The following CENPK variants were observed in gnomAD, a reference collection of about 807,000 sequenced individuals.
CENPK encodes the protein SoxLZ/Sox6-binding protein Solt.
A neutral mutation model predicts 40.9 loss-of-function variants in CENPK; 46 were observed. The observed-to-expected ratio is 1.13, with a 90% CI of 0.89 to 1.44. CENPK has a LOEUF of 1.44. Among genes scored for constraint, CENPK ranks in the 40% most tolerant of loss-of-function variants. The pLI is 0.00. For missense variants in CENPK, 288 were observed against 303.5 expected, an observed-to-expected ratio of 0.95 and a Z score of 0.38; for synonymous variants, 107 against 104.4, an observed-to-expected ratio of 1.02 and a Z score of -0.15.
the CENPK span, among the ~76,000 whole-genome samples, chr5:65,496,119 A>G: frequency 6.6e-6 from 1 of 152,158 alleles, no homozygotes; most frequent in Non-Finnish European, 1.5e-5. Context: ...TTAACCAGGC[A>G]TGGTGGGGCA....
At chr5:65,499,915 G>T in the CENPK span, among the ~76,000 whole-genome samples, 1 of 98,704 alleles carries the variant, frequency 1.0e-5, no homozygotes, top group Non-Finnish European at 2.2e-5. Context: ...GAGAATATGC[G>T]GTGTTTGGTT....
At chr5:65,497,494 G>A in the CENPK span, among the ~76,000 whole-genome samples, 3 of 152,190 alleles carry the variant, frequency 2.0e-5, no homozygotes, top group African/African-American at 7.2e-5. Context: ...AAAGGAGAAA[G>A]AGCAACAGAA....
At chr5:65,529,470 G>T in intron 6 of CENPK, 1 of 298,466 alleles carries the variant, frequency 3.4e-6, no homozygotes, top group Admixed American at 5.0e-5. Context: ...TCAGTAATAA[G>T]AGAGTAGGTA....
chr5:65,504,709 A>C, the CENPK span, among the ~76,000 whole-genome samples: 1 of 152,134 alleles, frequency 6.6e-6, no homozygotes, highest in African/African-American at 2.4e-5. Flanking sequence ...CTGAAGTACG[A>C]TATCCCTGTG....
At chr5:65,506,308 A>C in the CENPK span, among the ~76,000 whole-genome samples, 1 of 151,506 alleles carries the variant, frequency 6.6e-6, no homozygotes, top group African/African-American at 2.4e-5. Context: ...AGGAGTTCAA[A>C]GCCACTGAAC....
chr5:65,548,861 CAG>C (rs1340668556), intron 5 of CENPK, among the ~76,000 whole-genome samples: 6 of 152,132 alleles, frequency 3.9e-5, no homozygotes, highest in African/African-American at 1.2e-4. Flanking sequence ...TTGAACCCCT[CAG>C]AGTCATCCAT....
At chr5:65,519,646 T>C (rs1288839219) in intron 10 of CENPK, among the ~76,000 whole-genome samples, 1 of 152,206 alleles carries the variant, frequency 6.6e-6, no homozygotes, top group Non-Finnish European at 1.5e-5. Flanking sequence ...CAAAGTGCCA[T>C]AGAAATAAAT....
At chr5:65,562,649 T>TGAG (rs529426676) in intron 1 of CENPK, among the ~76,000 whole-genome samples, 100 of 152,178 alleles carry the variant, frequency 6.6e-4, no homozygotes, top group African/African-American at 2.4e-3. Flanking sequence ...AGAAGACAGA[T>TGAG]GAGGAGGAGG....
At chr5:65,497,947 T>C in the CENPK span, among the ~76,000 whole-genome samples, 2 of 152,094 alleles carry the variant, frequency 1.3e-5, no homozygotes, top group Admixed American at 6.6e-5. Flanking sequence ...AAAAACAATA[T>C]AGTGTGGAGT....
intron 6 of CENPK, among the ~76,000 whole-genome samples, chr5:65,538,142 T>C (rs1296781562): frequency 2.0e-5 from 3 of 152,214 alleles, no homozygotes; most frequent in African/African-American, 7.2e-5. Flanking sequence ...AAAAATGGCA[T>C]TGTTATTTTG....
intron 6 of CENPK, among the ~76,000 whole-genome samples, chr5:65,533,380 A>T (rs1391159819): frequency 5.3e-5 from 8 of 151,926 alleles, no homozygotes; most frequent in African/African-American, 1.9e-4. Flanking sequence ...TAAAATAACA[A>T]AATAAAATAA....
At chr5:65,530,091 C>A (rs2150380626) in intron 6 of CENPK, among the ~76,000 whole-genome samples, 1 of 152,268 alleles carries the variant, frequency 6.6e-6, no homozygotes, top group Non-Finnish European at 1.5e-5. Context: ...GTGTGAGCCA[C>A]CACGCCCGGC....
chr5:65,546,700 A>G lies in CENPK; in HGVS notation c.242-3852T>C, dbSNP rs1749047484. On this transcript the variant is annotated intron_variant, in intron 5 of 10. Transcript: ENST00000396679. ...AATCCAATAAGACTGGTGTCCTAATAAGAGTAGGCGATTAGGACACAGAAG... is the reference window on the plus strand; with the variant it reads ...AATCCAATAAGACTGGTGTCCTAATGAGAGTAGGCGATTAGGACACAGAAG... 2.0e-5 allele frequency among the ~76,000 whole-genome samples: 3 copies of G among 152,332 alleles called. No homozygotes were observed. In the South Asian group the frequency reaches 6.2e-4, roughly 32 times the overall value.
downstream of CENPK, among the ~76,000 whole-genome samples, chr5:65,517,098 C>T (rs2150324467): frequency 6.6e-6 from 1 of 152,154 alleles, no homozygotes; most frequent in African/African-American, 2.4e-5. Context: ...TGCACCACCA[C>T]ACCCAGCTAA....
chr5:65,551,642 A>C lies in CENPK; in HGVS notation c.169-6T>G, dbSNP rs1384559581. The stretch of plus-strand genomic sequence containing the variant: ...TGCATAATTAACAATGATAGCTACA[A>C]AAGAAGAAAACAAAGTCATTTTCTG... On this transcript the variant is annotated splice_polypyrimidine_tract_variant and splice_region_variant and intron_variant, in intron 4 of 10. Coordinates refer to ENST00000396679, the MANE Select transcript of CENPK (RefSeq NM_022145.5). The C allele has an allele frequency of 6.6e-7, 1 of 1,517,764 alleles. No individual in the cohort carries two copies. The highest frequency in any genetic ancestry group is 1.4e-5 in the African/African-American group (1 of 72,000). 94.0% of individuals were successfully genotyped at this position (1,517,764 alleles called of 1,614,324 possible).
chr5:65,515,237 T>TCTG (rs1239489990), downstream of CENPK, among the ~76,000 whole-genome samples: 2 of 128,722 alleles, frequency 1.6e-5, no homozygotes, highest in Admixed American at 9.4e-5. Flanking sequence ...GGAGTCTTGC[T>TCTG]CTGTCGCCCA....
chr5:65,514,146 A>G (rs1289444023), downstream of CENPK, among the ~76,000 whole-genome samples: 1 of 148,512 alleles, frequency 6.7e-6, no homozygotes, highest in African/African-American at 2.5e-5. Flanking sequence ...AGCTATGTTC[A>G]TGAGAGATAC....
chr5:65,525,812 A>G lies in CENPK; in HGVS notation c.597+2640T>C, dbSNP rs183206238. Among the ~76,000 whole-genome samples, 54 of 152,326 alleles carry G rather than the reference A, an allele frequency of 3.5e-4. 1 individual carries two copies. In the East Asian group the frequency reaches 9.6e-3, roughly 27 times the overall value. On this transcript the variant is annotated intron_variant, in intron 9 of 10. Transcript: ENST00000396679. ...TTTCCTTGTGTACACAAAGAGCCCA[A>G]TGTGAGAACACAGTGAGCAAGTGGT...
At chr5:65,501,279 A>G in the CENPK span, among the ~76,000 whole-genome samples, 4 of 139,590 alleles carry the variant, frequency 2.9e-5, no homozygotes, top group African/African-American at 1.1e-4. Flanking sequence ...CCCGTGTTCC[A>G]GTGATTCTCC....
Sources: allele counts gnomAD v4.1 joint callset (sites outside exome capture counted in the v4.1 genomes callset), GRCh38; gene constraint gnomAD v4.1.1; transcripts MANE v1.5; gene names NCBI Gene and HGNC (gene_info 2026-07-23, HGNC 2026-07-21).